ITGA8: variants seen among roughly 807,000 people sequenced by gnomAD.
The protein encoded by ITGA8 is integrin subunit alpha 8.
In ITGA8, 91 loss-of-function variants were observed where a neutral mutation model predicts 142.3. The observed-to-expected ratio is 0.64, with a 90% confidence interval of 0.54 to 0.76. ITGA8 has a LOEUF of 0.76. Among genes scored for constraint, ITGA8 ranks in the 30% least tolerant of loss-of-function variants. ITGA8 has a pLI of 0.00. For missense variants in ITGA8, 1,406 were observed against 1,327.7 expected (o/e 1.06, Z -0.92); for synonymous variants, 505 against 485.2 (o/e 1.04, Z -0.54).
intron 3 of ITGA8, among the ~76,000 whole-genome samples, chr10:15,685,282 C>T (rs549033380): frequency 4.6e-5 from 7 of 152,248 alleles, no homozygotes; most frequent in Middle Eastern, 3.4e-3. Flanking sequence ...TCATAAATGC[C>T]CTCTCCATTC....
chr10:15,584,283 C>T (rs1240747696), intron 23 of ITGA8, among the ~76,000 whole-genome samples: 10 of 146,098 alleles, frequency 6.8e-5, no homozygotes, highest in South Asian at 2.3e-4. Flanking sequence ...GGTGATGCAG[C>T]GAGACTGTCA....
intron 9 of ITGA8, 69 bp from the exon 10 acceptor site, chr10:15,659,124 A>G: frequency 9.5e-7 from 1 of 1,050,778 alleles, no homozygotes; most frequent in African/African-American, 1.7e-5. Context: ...AAAAACTACA[A>G]CTTGAATCAT....
intron 14 of ITGA8, among the ~76,000 whole-genome samples, chr10:15,616,105 G>A (rs947154536): frequency 1.3e-4 from 20 of 152,278 alleles, no homozygotes; most frequent in East Asian, 5.8e-4. Context: ...CTCTTGGAAT[G>A]TTCTATTCCC....
intron 13 of ITGA8, among the ~76,000 whole-genome samples, chr10:15,626,450 A>T (rs1449735605): frequency 6.6e-6 from 1 of 152,078 alleles, no homozygotes; most frequent in Non-Finnish European, 1.5e-5. Flanking sequence ...CGAACTCCTG[A>T]TCTCGTAATC....
At position 15,677,608 on chromosome 10, in the gene ITGA8, C is replaced by T. The variant is rs1306628094; in HGVS notation, c.660G>A (p.Gly220=). 22 of 1,613,380 alleles carry T rather than the reference C, an allele frequency of 1.4e-5. No individual in the cohort carries two copies. Among genetic ancestry groups the T allele is most frequent in the Non-Finnish European group, 1.8e-5 (21 of 1,179,730 alleles). Residue 220 remains glycine, a synonymous_variant, in exon 6 of 30, where the codon GGG becomes GGA. Coordinates refer to ENST00000378076, the MANE Select transcript of ITGA8 (RefSeq NM_003638.3). ...AGAACATACCTTGCCAGTAGAAACT[C>T]CCAGGTCCTCCCACAATAAGGTCTC... ...KNGDLIVGGP[G]SFYWQGQVIT...
intron 15 of ITGA8, among the ~76,000 whole-genome samples, chr10:15,611,138 C>T (rs1231734470): frequency 1.3e-5 from 2 of 152,082 alleles, no homozygotes; most frequent in African/African-American, 4.8e-5. Flanking sequence ...CAAATAACAG[C>T]AGAGAAAATC....
chr10:15,670,368 T>A (rs1020322568), intron 8 of ITGA8, among the ~76,000 whole-genome samples: 4 of 152,194 alleles, frequency 2.6e-5, no homozygotes, highest in African/African-American at 9.7e-5. Context: ...TTAGTGTCAT[T>A]TAAAGATGAG....
intron 20 of ITGA8, among the ~76,000 whole-genome samples, chr10:15,601,820 A>T (rs1287918323): frequency 6.6e-6 from 1 of 152,204 alleles, no homozygotes. Context: ...CCCTTGAGGA[A>T]AAAATGGTTA....
rs1835374758 is a variant in ITGA8 at position 15,712,147 on chromosome 10, C to A, written c.343+6619G>T. ...CCTTGCTTTATGCAATAAATATGTT[C>A]TTTGTAAACATGTATTTAAGCTGAA... On this transcript the variant is annotated intron_variant, in intron 2 of 29. Transcript: ENST00000378076. Among the ~76,000 whole-genome samples, 2 of 152,078 alleles carry A rather than the reference C, an allele frequency of 1.3e-5. 1 individual carries two copies. The highest frequency in any genetic ancestry group is 4.1e-4 in the South Asian group (2 of 4,820).
intron 24 of ITGA8, among the ~76,000 whole-genome samples, chr10:15,573,708 G>A (rs1834230687): frequency 6.6e-6 from 1 of 152,064 alleles, no homozygotes. Context: ...GTCATAGTCA[G>A]AATTACTAGA....
intron 14 of ITGA8, 107 bp from the exon 15 acceptor site, chr10:15,613,874 C>G: frequency 1.4e-6 from 1 of 718,256 alleles, no homozygotes; most frequent in Non-Finnish European, 2.4e-6. Flanking sequence ...GAATACTCCA[C>G]AGGCCATTGC....
intron 6 of ITGA8, among the ~76,000 whole-genome samples, chr10:15,674,887 C>T (rs1020555752): frequency 2.0e-5 from 3 of 151,716 alleles, no homozygotes; most frequent in African/African-American, 7.3e-5. Context: ...TTGCAGTGAG[C>T]CAAGATCACA....
rs369299179 is a variant in ITGA8 at position 15,606,314 on chromosome 10, A to G, written c.1873T>C (p.Tyr625His). 6 of 1,611,696 alleles carry G rather than the reference A, an allele frequency of 3.7e-6. No individual in the cohort carries two copies. Among genetic ancestry groups the G allele is most frequent in the Non-Finnish European group, 4.2e-6 (5 of 1,178,022 alleles). The change falls in exon 18 of 30, where the codon TAC (tyrosine) becomes CAC (histidine). Residue 625 changes from tyrosine to histidine, a missense_variant. Tyr to His is a moderately conservative substitution (Grantham distance 83, BLOSUM62 2). Coordinates refer to ENST00000378076, the MANE Select transcript of ITGA8 (RefSeq NM_003638.3). ...EGLEVKPILN[Y>H]YRENIVSEQA... ...TCACTAACAATGTTTTCTCTGTAGTAGTTCAATATTGGTTTCACTTCCAGG... is the reference window on the plus strand; with the variant it reads ...TCACTAACAATGTTTTCTCTGTAGTGGTTCAATATTGGTTTCACTTCCAGG...
chr10:15,714,820 A>G (rs184022643), intron 2 of ITGA8, among the ~76,000 whole-genome samples: 59 of 152,276 alleles, frequency 3.9e-4, no homozygotes, highest in African/African-American at 1.4e-3. Flanking sequence ...TCAAAGTCTA[A>G]GCTGAGAGAA....
At chr10:15,553,704 T>G (rs999726161) in intron 26 of ITGA8, among the ~76,000 whole-genome samples, 24 of 152,082 alleles carry the variant, frequency 1.6e-4, no homozygotes, top group African/African-American at 5.6e-4. Context: ...TGGCTATGAC[T>G]AAAAAAAGTT....
intron 28 of ITGA8, among the ~76,000 whole-genome samples, chr10:15,525,157 TACC>T (rs970475508): frequency 1.3e-5 from 2 of 152,080 alleles, no homozygotes; most frequent in Admixed American, 1.3e-4. Context: ...TACAGGGGTG[TACC>T]ACCATGCCTG....
intron 8 of ITGA8, among the ~76,000 whole-genome samples, chr10:15,664,906 A>C (rs1834358404): frequency 6.6e-6 from 1 of 151,928 alleles, no homozygotes; most frequent in African/African-American, 2.4e-5. Flanking sequence ...TTCTTAATCC[A>C]GTCTATCATT....
chr10:15,675,980 A>C (rs957348899), intron 6 of ITGA8, among the ~76,000 whole-genome samples: 7 of 152,190 alleles, frequency 4.6e-5, no homozygotes, highest in Non-Finnish European at 8.8e-5. Flanking sequence ...AAATTAACAT[A>C]ATTTATGGTA....
intron 25 of ITGA8, among the ~76,000 whole-genome samples, chr10:15,565,808 T>C (rs1299938232): frequency 1.3e-5 from 2 of 151,930 alleles, no homozygotes; most frequent in Non-Finnish European, 2.9e-5. Context: ...CAGGCTGGTT[T>C]TGAACTCCTG....
Sources: allele counts gnomAD v4.1 joint callset (sites outside exome capture counted in the v4.1 genomes callset), GRCh38; gene constraint gnomAD v4.1.1; transcripts MANE v1.5; gene names NCBI Gene and HGNC (gene_info 2026-07-23, HGNC 2026-07-21).